The following NIT1 variants were observed in gnomAD, a reference collection of about 807,000 sequenced individuals.
The protein encoded by NIT1 is deaminated glutathione amidase.
NIT1 carries 30 observed loss-of-function variants against 36.8 expected under a neutral mutation model. That is an observed-to-expected ratio of 0.82 (90% CI 0.61 to 1.11). The LOEUF (loss-of-function observed/expected upper bound fraction) is 1.11, where lower values mean the gene tolerates loss of function less well. Ranked by LOEUF, NIT1 falls within the 50% of genes least tolerant of loss-of-function variation. The pLI is 0.00. For synonymous variants in NIT1, 151 were observed against 155.6 expected (o/e 0.97, Z 0.22); for missense variants, 438 against 410.6 (o/e 1.07, Z -0.58).
At chr1:161,124,006 ACC>A, downstream of NIT1, 1 of 1,594,088 alleles carries the variant, frequency 6.3e-7, no homozygotes, top group Non-Finnish European at 8.5e-7. Context: ...GTCAGTCCAA[ACC>A]CCCAGTGGGC....
In NIT1 at chr1:161,118,895, T is replaced by C. The variant is rs1655107776; in HGVS notation, c.98+14T>C. The stretch of plus-strand genomic sequence containing the variant: ...TGCTCAGCCCAGGTAACACGTTTTG[T>C]TGTGTCCTCAGTGCCTGGCACTTAG... On this transcript the variant is annotated intron_variant, in intron 2 of 6. Coordinates refer to ENST00000368009, the MANE Select transcript of NIT1 (RefSeq NM_005600.3). The C allele has an allele frequency of 1.3e-6, 2 of 1,596,278 alleles. No individual in the cohort carries two copies. The highest frequency in any genetic ancestry group is 1.7e-6 in the Non-Finnish European group (2 of 1,163,970).
intron 1 of NIT1, chr1:161,118,423 T>A: frequency 6.5e-7 from 1 of 1,535,294 alleles, no homozygotes; most frequent in East Asian, 2.4e-5. Flanking sequence ...AGGGGAAATA[T>A]GCTTCGAGTC....
rs200514054 is a variant in NIT1 at position 161,120,685 on chromosome 1, C to T, written c.904C>T (p.Arg302Ter). 9 of 1,614,060 alleles carry T rather than the reference C, an allele frequency of 5.6e-6. No individual in the cohort carries two copies. Among genetic ancestry groups the T allele is most frequent in the African/African-American group, 5.3e-5 (4 of 75,054 alleles). The change falls in exon 7 of 7, where the codon CGA (arginine) becomes TGA (stop). Residue 302 changes from arginine to a stop codon, truncating the protein, a stop_gained. Coordinates refer to ENST00000368009, the MANE Select transcript of NIT1 (RefSeq NM_005600.3). LOFTEE classifies it high-confidence loss of function. ...CLARIDLNYL[R>*]QLRRHLPVFQ... ...TGCCCGAATAGACCTCAACTATCTGCGACAGTTGCGCCGACACCTGCCTGT... is the reference window on the plus strand; with the variant it reads ...TGCCCGAATAGACCTCAACTATCTGTGACAGTTGCGCCGACACCTGCCTGT...
Position 161,119,407 on chromosome 1 carries a change from G to A in NIT1, c.353+19G>A. 6.2e-6 allele frequency: 10 copies of A among 1,613,276 alleles called. No homozygotes were observed. The highest frequency in any genetic ancestry group is 8.5e-6 in the Non-Finnish European group (10 of 1,179,212). On this transcript the variant is annotated intron_variant, in intron 3 of 6. Transcript: ENST00000368009. Reference sequence around the variant, plus strand: ...TTGCCAGGTATCAGGGAAATAGCGAGGGAGAGGTAGAATCTTTGTTGGACA... The same window carrying A: ...TTGCCAGGTATCAGGGAAATAGCGAAGGAGAGGTAGAATCTTTGTTGGACA...
Position 161,119,492 on chromosome 1 carries a change from G to C in NIT1, c.354-17G>C, listed in dbSNP as rs1655183916. The C allele has an allele frequency of 6.2e-7, 1 of 1,613,624 alleles. No homozygotes were observed. Among genetic ancestry groups the C allele is most frequent in the Non-Finnish European group, 8.5e-7 (1 of 1,179,628 alleles). On this transcript the variant is annotated splice_polypyrimidine_tract_variant and intron_variant, in intron 3 of 6. Coordinates refer to ENST00000368009, the MANE Select transcript of NIT1 (RefSeq NM_005600.3). The stretch of plus-strand genomic sequence containing the variant: ...TTGAGAAGTCAGTGAAGAGTTGTCA[G>C]TGTCCCTTCCCCCCAGGGAATGTGG...
downstream of NIT1, among the ~76,000 whole-genome samples, chr1:161,122,769 T>C (rs375170877): frequency 6.6e-6 from 1 of 152,240 alleles, no homozygotes; most frequent in Non-Finnish European, 1.5e-5. The surrounding 1 kb of genome is among the most constrained non-coding windows in gnomAD (Gnocchi z 4.2). Flanking sequence ...GCAACTTGTT[T>C]ATAGGAGATA....
At chr1:161,122,845 T>C, downstream of NIT1, 1 of 797,070 alleles carries the variant, frequency 1.3e-6, no homozygotes, top group Non-Finnish European at 2.0e-6. This position sits in a 1 kb window ranked among gnomAD's most constrained non-coding sequence, Gnocchi z 4.2. Flanking sequence ...ACAATAAGGA[T>C]GTCATAACAA....
downstream of NIT1, chr1:161,124,906 G>A (rs1452283528): frequency 1.9e-5 from 3 of 161,462 alleles, no homozygotes; most frequent in Non-Finnish European, 4.1e-5. Context: ...GATCAGCCTG[G>A]TCAACATAGC....
At position 161,119,506 on chromosome 1, in the gene NIT1, C is replaced by A. The variant is rs749199127; in HGVS notation, c.354-3C>A. ...AAGAGTTGTCAGTGTCCCTTCCCCC[C>A]AGGGAATGTGGACTCTGGCTGTCCT... On this transcript the variant is annotated splice_polypyrimidine_tract_variant and splice_region_variant and intron_variant, in intron 3 of 6. Transcript: ENST00000368009. The A allele has an allele frequency of 1.9e-6, 3 of 1,613,896 alleles. No individual in the cohort carries two copies. Among genetic ancestry groups the A allele is most frequent in the East Asian group, 4.5e-5 (2 of 44,884 alleles).
chr1:161,121,133 C>T lies in NIT1; in HGVS notation c.*368C>T. ...GTATTGTACCAGCTGGACTAAGCTC[C>T]AGTTCTAGACCTCCTGGCTCATTCA... On this transcript the variant is annotated 3_prime_UTR_variant, in exon 7 of 7. Transcript: ENST00000368009. 9.1e-7 allele frequency: 1 copy of T among 1,095,140 alleles called. No homozygotes were observed. Among genetic ancestry groups the T allele is most frequent in the Non-Finnish European group, 1.1e-6 (1 of 894,562 alleles). 67.8% of individuals were successfully genotyped at this position (1,095,140 alleles called of 1,614,324 possible).
chr1:161,120,800 C>T lies in NIT1; in HGVS notation c.*35C>T. On this transcript the variant is annotated 3_prime_UTR_variant, in exon 7 of 7. Coordinates refer to ENST00000368009, the MANE Select transcript of NIT1 (RefSeq NM_005600.3). Reference sequence around the variant, plus strand: ...TCTGTGAGTTTAGACCTGCCCCTCCCACCCCCACCCTGCCACTATGAGCTA... The same window carrying T: ...TCTGTGAGTTTAGACCTGCCCCTCCTACCCCCACCCTGCCACTATGAGCTA... 1.9e-6 allele frequency: 3 copies of T among 1,590,630 alleles called. No individual in the cohort carries two copies. The highest frequency in any genetic ancestry group is 2.6e-6 in the Non-Finnish European group (3 of 1,168,976).
chr1:161,122,882 C>T (rs1655678103), downstream of NIT1: 7 of 1,024,500 alleles, frequency 6.8e-6, no homozygotes, highest in South Asian at 8.6e-5. This position sits in a 1 kb window ranked among gnomAD's most constrained non-coding sequence, Gnocchi z 4.2. Flanking sequence ...TATTAACTAA[C>T]AAGAGTTGAA....
intron 1 of NIT1, 26 bp downstream of exon 1, chr1:161,118,204 G>A: frequency 1.9e-6 from 3 of 1,614,036 alleles, no homozygotes; most frequent in Non-Finnish European, 2.5e-6. Flanking sequence ...TATCCCGTCG[G>A]CCGCGGTGAA....
chr1:161,119,692 T>C lies in NIT1; in HGVS notation c.457+80T>C, dbSNP rs368331379. ...CTCCAGAATTGTTTCTCAACTCTTA[T>C]TTCCTTGACCCAAGGATTTAGGGGT... On this transcript the variant is annotated intron_variant, in intron 4 of 6. Coordinates refer to ENST00000368009, the MANE Select transcript of NIT1 (RefSeq NM_005600.3). 28 of 1,586,982 alleles carry C rather than the reference T, an allele frequency of 1.8e-5. No individual in the cohort carries two copies. The Middle Eastern group carries it at 5.0e-4, about 29-fold the overall frequency.
downstream of NIT1, chr1:161,124,446 C>T (rs753790428): frequency 4.4e-6 from 7 of 1,602,550 alleles, no homozygotes; most frequent in Admixed American, 1.7e-5. Flanking sequence ...GCTTGCCCGC[C>T]GCTTTAGGCC....
chr1:161,118,672 T>G (rs1655084159), intron 1 of NIT1, 114 bp from the exon 2 acceptor site: 1 of 1,477,076 alleles, frequency 6.8e-7, no homozygotes, highest in Non-Finnish European at 9.3e-7. Context: ...GAAGACTAGG[T>G]TTTTACTGGC....
In NIT1 at chr1:161,121,080, T is replaced by A; in HGVS notation, c.*315T>A. The A allele has an allele frequency of 1.7e-6, 2 of 1,180,976 alleles. No homozygotes were observed. The highest frequency in any genetic ancestry group is 2.1e-6 in the Non-Finnish European group (2 of 946,032). The allele number at this position is 1,180,976 out of a possible 1,614,324, so 73.2% of individuals were successfully genotyped here. Reference sequence around the variant, plus strand: ...TAATCATAAAGTCTGTGTCTGGACATCGCCTTTGGGAACTAGAAGGGGAGT... The same window carrying A: ...TAATCATAAAGTCTGTGTCTGGACAACGCCTTTGGGAACTAGAAGGGGAGT... On this transcript the variant is annotated 3_prime_UTR_variant, in exon 7 of 7. Coordinates refer to ENST00000368009, the MANE Select transcript of NIT1 (RefSeq NM_005600.3).
downstream of NIT1, chr1:161,122,995 A>T: frequency 6.2e-7 from 1 of 1,614,108 alleles, no homozygotes; most frequent in Non-Finnish European, 8.5e-7. The surrounding 1 kb of genome is among the most constrained non-coding windows in gnomAD (Gnocchi z 4.2). Context: ...ACTGAATAGC[A>T]TAAACTGCCC....
chr1:161,120,537 T>C lies in NIT1; in HGVS notation c.756T>C (p.Tyr252=). 1 of 1,614,168 alleles carries C rather than the reference T, an allele frequency of 6.2e-7. No individual in the cohort carries two copies. The highest frequency in any genetic ancestry group is 2.2e-5 in the East Asian group (1 of 44,890). The change falls in exon 7 of 7, where the codon TAT becomes TAC. Residue 252 remains tyrosine, a synonymous_variant. Coordinates refer to ENST00000368009, the MANE Select transcript of NIT1 (RefSeq NM_005600.3). ...CCCGTGCTATCGAAACCCAGTGCTA[T>C]GTAGTGGCAGCAGCACAGTGTGGAC... ...LRARAIETQC[Y]VVAAAQCGRH...
Sources: allele counts gnomAD v4.1 joint callset (sites outside exome capture counted in the v4.1 genomes callset), GRCh38; gene constraint gnomAD v4.1.1; non-coding constraint Gnocchi (gnomAD v3.1); transcripts MANE v1.5; gene names NCBI Gene and HGNC (gene_info 2026-07-23, HGNC 2026-07-21).